GRIA1: variants seen among roughly 807,000 people sequenced by gnomAD.
GRIA1 encodes glutamate receptor 1.
Under a neutral mutation model 99.2 loss-of-function variants are expected in GRIA1, and 31 were observed. The ratio of observed to expected loss-of-function variants is 0.31; its 90% CI spans 0.23 to 0.42. The LOEUF is 0.42. Ranked by LOEUF, GRIA1 falls within the 10% of genes least tolerant of loss-of-function variation. The probability of loss-of-function intolerance (pLI) is 1.00; values close to 1 mark genes in which losing one functional copy is unlikely to be tolerated. For missense variants in GRIA1, 782 were observed against 1,157.5 expected (o/e 0.68, Z 4.71); for synonymous variants, 438 against 432.4 (o/e 1.01, Z -0.16).
chr5:153,593,991 T>C (rs1179936985), intron 2 of GRIA1, among the ~76,000 whole-genome samples: 2 of 152,244 alleles, frequency 1.3e-5, no homozygotes, highest in African/African-American at 4.8e-5. Context: ...GGAGATGAAA[T>C]GCAAGCTTGG....
At chr5:153,515,828 C>T (rs1442608293) in intron 2 of GRIA1, among the ~76,000 whole-genome samples, 1 of 152,092 alleles carries the variant, frequency 6.6e-6, no homozygotes, top group Non-Finnish European at 1.5e-5. Context: ...CTTTTTTAAC[C>T]AGATTGTGTC....
At chr5:153,709,553 G>T (rs1561789425) in intron 11 of GRIA1, among the ~76,000 whole-genome samples, 1 of 152,176 alleles carries the variant, frequency 6.6e-6, no homozygotes, top group Non-Finnish European at 1.5e-5. Flanking sequence ...AGTAAAGAGG[G>T]TTATCTTTCT....
Position 153,705,695 on chromosome 5 carries a change from AGAGAGC to A in GRIA1, c.1453-1_1457del. On this transcript the variant is annotated splice_acceptor_variant and coding_sequence_variant, in exon 11 of 16. Coordinates refer to ENST00000285900, the MANE Select transcript of GRIA1 (RefSeq NM_000827.4). LOFTEE classifies it high-confidence loss of function. Reference sequence around the variant, plus strand: ...TTTTTTTTTTTTTTTTTTTTTTTTCAGAGAGCAGATGTGGCTGTGGCTCCCTTAACT... The same window carrying A: ...TTTTTTTTTTTTTTTTTTTTTTTTCAAGATGTGGCTGTGGCTCCCTTAACT... The A allele has an allele frequency of 5.7e-6, 1 of 175,392 alleles. No homozygotes were observed. The highest frequency in any genetic ancestry group is 8.1e-6 in the Non-Finnish European group (1 of 123,244). The allele number at this position is 175,392 out of a possible 1,614,324, so 10.9% of individuals were successfully genotyped here. A position where few individuals can be genotyped will look rare whatever the true frequency, so the allele number is the denominator to read the frequency against.
At chr5:153,727,140 T>C (rs1045565727) in intron 11 of GRIA1, among the ~76,000 whole-genome samples, 20 of 152,258 alleles carry the variant, frequency 1.3e-4, no homozygotes, top group Non-Finnish European at 2.2e-4. Context: ...AAAAACCACA[T>C]GATTATCTCA....
At chr5:153,749,018 G>A (rs556026820) in intron 11 of GRIA1, among the ~76,000 whole-genome samples, 12 of 152,278 alleles carry the variant, frequency 7.9e-5, no homozygotes, top group African/African-American at 2.6e-4. Context: ...GATAAGAAGA[G>A]GGCTGAGGCT....
At chr5:153,731,223 T>A (rs1316075315) in intron 11 of GRIA1, among the ~76,000 whole-genome samples, 2 of 151,630 alleles carry the variant, frequency 1.3e-5, no homozygotes, top group African/African-American at 4.9e-5. Flanking sequence ...TCTCTGTCTC[T>A]CTTTCTCTCT....
intron 11 of GRIA1, among the ~76,000 whole-genome samples, chr5:153,719,927 G>A (rs551906716): frequency 1.3e-5 from 2 of 152,154 alleles, no homozygotes; most frequent in Non-Finnish European, 2.9e-5. Context: ...TCAATAAAAG[G>A]CATGTGCTCT....
At chr5:153,749,627 C>A (rs1762381870) in intron 11 of GRIA1, among the ~76,000 whole-genome samples, 1 of 152,074 alleles carries the variant, frequency 6.6e-6, no homozygotes, top group Admixed American at 6.6e-5. Context: ...GGGCATCAGA[C>A]CCTTCATGAG....
At chr5:153,723,990 G>GC (rs1344220055) in intron 11 of GRIA1, among the ~76,000 whole-genome samples, 1 of 152,088 alleles carries the variant, frequency 6.6e-6, no homozygotes, top group East Asian at 1.9e-4. Context: ...ACTGGGAGGC[G>GC]CCCCCCAGTA....
intron 11 of GRIA1, among the ~76,000 whole-genome samples, chr5:153,741,788 A>C (rs1278274512): frequency 6.6e-6 from 1 of 152,166 alleles, no homozygotes; most frequent in Non-Finnish European, 1.5e-5. Flanking sequence ...GCAGGCATAA[A>C]ATTTCAGTTA....
chr5:153,632,594 G>A (rs10079744), intron 2 of GRIA1, among the ~76,000 whole-genome samples: 3,303 of 152,260 alleles, frequency 0.022, 133 homozygotes, highest in African/African-American at 0.076. Context: ...TGGCTTACAT[G>A]TATCTAGGAC....
intron 11 of GRIA1, among the ~76,000 whole-genome samples, chr5:153,716,982 AATGCCAGCCCATC>A (rs1188737764): frequency 1.3e-5 from 2 of 152,328 alleles, no homozygotes; most frequent in Non-Finnish European, 2.9e-5. Flanking sequence ...TGGTGAAAGA[AATGCCAGCCCATC>A]ATGCCAAAGG....
intron 7 of GRIA1, among the ~76,000 whole-genome samples, chr5:153,683,877 G>A (rs1448326112): frequency 6.6e-6 from 1 of 152,172 alleles, no homozygotes; most frequent in Non-Finnish European, 1.5e-5. Context: ...GTTTGAGCAA[G>A]GAACCTATGG....
intron 2 of GRIA1, among the ~76,000 whole-genome samples, chr5:153,533,813 G>A (rs1217644834): frequency 6.6e-6 from 1 of 152,214 alleles, no homozygotes; most frequent in Non-Finnish European, 1.5e-5. Context: ...ATTCTTCTAA[G>A]CACATCCCAT....
intron 2 of GRIA1, among the ~76,000 whole-genome samples, chr5:153,619,228 G>A (rs887441837): frequency 3.9e-4 from 59 of 152,124 alleles, no homozygotes; most frequent in African/African-American, 1.4e-3. Flanking sequence ...CACAATGATG[G>A]GGCCATGTCT....
At chr5:153,607,226 A>G (rs2149404836) in intron 2 of GRIA1, among the ~76,000 whole-genome samples, 1 of 151,782 alleles carries the variant, frequency 6.6e-6, no homozygotes, top group East Asian at 1.9e-4. Flanking sequence ...CTCACCTTCT[A>G]TACTATTGAC....
At chr5:153,579,937 T>C (rs997987174) in intron 2 of GRIA1, among the ~76,000 whole-genome samples, 4 of 151,888 alleles carry the variant, frequency 2.6e-5, no homozygotes, top group Admixed American at 2.0e-4. Context: ...CATTAAACAA[T>C]TAGGAACTGG....
At chr5:153,602,189 A>G (rs1765031445) in intron 2 of GRIA1, among the ~76,000 whole-genome samples, 3 of 152,240 alleles carry the variant, frequency 2.0e-5, no homozygotes, top group Admixed American at 1.3e-4. Flanking sequence ...ACCATGGAAT[A>G]CTATGCAGCC....
At chr5:153,581,066 A>G (rs1238882297) in intron 2 of GRIA1, among the ~76,000 whole-genome samples, 1 of 152,226 alleles carries the variant, frequency 6.6e-6, no homozygotes, top group Non-Finnish European at 1.5e-5. Context: ...GTAGCAGCTC[A>G]CTTCGAAGTC....
Sources: gnomAD v4.1 joint callset for allele counts (sites outside exome capture counted in the v4.1 genomes callset) on GRCh38, gnomAD v4.1.1 for gene constraint, MANE v1.5 for transcripts, NCBI Gene and HGNC (gene_info 2026-07-23, HGNC 2026-07-21) for gene names.